Variants in LARP7 observed in about 807,000 individuals in gnomAD.
The protein encoded by LARP7 is la-related protein 7.
In LARP7, 52 loss-of-function variants were observed where a neutral mutation model predicts 69.3. The ratio of observed to expected loss-of-function variants is 0.75; its 90% CI spans 0.60 to 0.95. The LOEUF (loss-of-function observed/expected upper bound fraction) is 0.95. LARP7 is among the 40% of genes least tolerant of loss of function. The pLI, the probability that LARP7 is intolerant of heterozygous loss-of-function variation, is 0.00. For missense variants in LARP7, 733 were observed against 673.0 expected, an observed-to-expected ratio of 1.09 and a Z score of -0.99; for synonymous variants, 254 against 215.9, an observed-to-expected ratio of 1.18 and a Z score of -1.55.
In LARP7 at chr4:112,647,820, A is replaced by G; in HGVS notation, c.1128A>G (p.Leu376=). The G allele has an allele frequency of 6.3e-7, 1 of 1,589,950 alleles. No individual in the cohort carries two copies. The highest frequency in any genetic ancestry group is 1.7e-5 in the Admixed American group (1 of 59,642). ...AAATGGGAGAAGAAGTTATACCATT[A>G]AGAGTGCTATCAAAGTAAGTCTGTG... The part of the protein sequence containing the change: ...RHKMGEEVIP[L]RVLSKSEWMD... Residue 376 remains leucine (L), a synonymous_variant, in exon 8 of 13, where the codon TTA becomes TTG. Transcript: ENST00000344442.
chr4:112,646,677 C>A lies in LARP7; in HGVS notation c.387+6C>A. 1 of 1,588,774 alleles carries A rather than the reference C, an allele frequency of 6.3e-7. No homozygotes were observed. The highest frequency in any genetic ancestry group is 1.2e-5 in the South Asian group (1 of 85,856). ...ATGAACGCACAGTGTATGTGGTAAGCTTAAGAACCCGGGTCCCCAGTCAGA... is the reference window on the plus strand; with the variant it reads ...ATGAACGCACAGTGTATGTGGTAAGATTAAGAACCCGGGTCCCCAGTCAGA... On this transcript the variant is annotated splice_donor_region_variant and intron_variant, in intron 4 of 12. Transcript: ENST00000344442.
At chr4:112,640,131 G>A (rs1331835054) in intron 1 of LARP7, among the ~76,000 whole-genome samples, 4 of 152,034 alleles carry the variant, frequency 2.6e-5, no homozygotes, top group African/African-American at 7.2e-5. Flanking sequence ...TAGAGACTGG[G>A]TTTCACTTTG....
rs759465031 is a variant in LARP7, at chr4:112,650,489, G to A, written c.1323G>A (p.Gln441=). ...KTANREECRT[Q]EKVNATGPQF... The stretch of plus-strand genomic sequence containing the variant: ...CCAACAGGGAAGAGTGTCGCACCCA[G>A]GAGAAAGTTAATGCAACAGGACCAC... The change falls in exon 10 of 13, where the codon CAG becomes CAA. Residue 441 remains glutamine (Q), a synonymous_variant. Coordinates refer to ENST00000344442, the MANE Select transcript of LARP7 (RefSeq NM_016648.4). 1.9e-6 allele frequency: 3 copies of A among 1,613,886 alleles called. No homozygotes were observed. The highest frequency in any genetic ancestry group is 2.5e-6 in the Non-Finnish European group (3 of 1,179,826).
chr4:112,639,742 CAGTAGTTGTAGA>C (rs2047884642), intron 1 of LARP7, among the ~76,000 whole-genome samples: 1 of 151,946 alleles, frequency 6.6e-6, no homozygotes, highest in African/African-American at 2.4e-5. Context: ...ACAGTTGTAG[CAGTAGTTGTAGA>C]AAACACTGGA....
chr4:112,650,616 T>C, intron 10 of LARP7, 34 bp downstream of exon 10: 1 of 1,577,882 alleles, frequency 6.3e-7, no homozygotes, highest in Middle Eastern at 1.7e-4. Flanking sequence ...TATTTGTTCC[T>C]TTCTTCTCTT....
chr4:112,649,336 A>G (rs1434209907), intron 8 of LARP7, among the ~76,000 whole-genome samples, 199 bp from the exon 9 acceptor site: 2 of 152,188 alleles, frequency 1.3e-5, no homozygotes, highest in Admixed American at 1.3e-4. Flanking sequence ...TTTAATCTGA[A>G]TATTGGGGGA....
intron 8 of LARP7, chr4:112,648,365 T>G (rs775941393): frequency 3.7e-6 from 2 of 534,374 alleles, no homozygotes; most frequent in South Asian, 2.8e-5. Flanking sequence ...TGGAGACACC[T>G]CCACTGAAAC....
At chr4:112,646,259 C>A in intron 2 of LARP7, 92 bp from the exon 3 acceptor site, 1 of 632,318 alleles carries the variant, frequency 1.6e-6, no homozygotes, top group Non-Finnish European at 2.7e-6. Flanking sequence ...CATGAGCCAC[C>A]GAGCCTGAGG....
intron 12 of LARP7, chr4:112,654,440 T>A (rs1278559748): frequency 4.0e-6 from 1 of 252,154 alleles, no homozygotes; most frequent in African/African-American, 2.2e-5. Context: ...GGCTGCTATG[T>A]CTTGTAGTTT....
intron 12 of LARP7, 26 bp downstream of exon 12, chr4:112,654,185 A>G: frequency 6.6e-7 from 1 of 1,522,034 alleles, no homozygotes. Flanking sequence ...TTGTTTTTTT[A>G]GACTAAACTT....
rs756166445 is a variant in LARP7, at chr4:112,647,370, CAAAGAA to C, written c.828_833del (p.Lys277_Lys278del). The C allele has an allele frequency of 3.7e-6, 6 of 1,613,622 alleles. No homozygotes were observed. The African/African-American group carries it at 4.0e-5, about 11-fold the overall frequency. On this transcript the variant is annotated inframe_deletion, in exon 7 of 13. Transcript: ENST00000344442. ...TCCACTGAACCCCAAAAGCAGTGCTCAAAGAAAAAGAAAAAACGGGACAGAGTTGAA... is the reference window on the plus strand; with the variant it reads ...TCCACTGAACCCCAAAAGCAGTGCTCAAAGAAAAAACGGGACAGAGTTGAA...
At chr4:112,657,210 T>C (rs769039935) in intron 12 of LARP7, 37 bp from the exon 13 acceptor site, 7 of 1,015,726 alleles carry the variant, frequency 6.9e-6, no homozygotes, top group Admixed American at 2.3e-5. Context: ...GTTTTGAGTA[T>C]CCAATACATT....
rs774183599 is a variant in LARP7, at chr4:112,650,486, C to G, written c.1320C>G (p.Thr440=). Residue 440 remains threonine (T), a synonymous_variant, in exon 10 of 13, where the codon ACC becomes ACG. Coordinates refer to ENST00000344442, the MANE Select transcript of LARP7 (RefSeq NM_016648.4). The stretch of plus-strand genomic sequence containing the variant: ...CAGCCAACAGGGAAGAGTGTCGCAC[C>G]CAGGAGAAAGTTAATGCAACAGGAC... ...EKTANREECR[T]QEKVNATGPQ... The G allele has an allele frequency of 5.6e-6, 9 of 1,613,184 alleles. No homozygotes were observed. In the Admixed American group the frequency reaches 8.3e-5, roughly 15 times the overall value.
chr4:112,647,365 G>C lies in LARP7; in HGVS notation c.813G>C (p.Gln271His). Residue 271 changes from glutamine to histidine, a missense_variant, in exon 7 of 13, where the codon CAG (glutamine) becomes CAC (histidine). By Grantham distance (24) the Gln-to-His change is conservative (BLOSUM62 0). Transcript: ENST00000344442. Reference protein sequence around the residue: ...SDIESTEPQKQCSKKKKKRDR... With the variant: ...SDIESTEPQKHCSKKKKKRDR... ...TTGAGTCCACTGAACCCCAAAAGCA[G>C]TGCTCAAAGAAAAAGAAAAAACGGG... 6.2e-7 allele frequency: 1 copy of C among 1,614,006 alleles called. No homozygotes were observed. The highest frequency in any genetic ancestry group is 1.1e-5 in the South Asian group (1 of 91,068).
At chr4:112,637,632 C>G (rs1352577670) in intron 1 of LARP7, 1 of 152,268 alleles carries the variant, frequency 6.6e-6, no homozygotes, top group Non-Finnish European at 1.5e-5. Flanking sequence ...AAATTATCAT[C>G]TTCTTTTGCA....
intron 9 of LARP7, 26 bp downstream of exon 9, chr4:112,649,712 A>G (rs776116719): frequency 2.6e-6 from 4 of 1,518,812 alleles, no homozygotes; most frequent in South Asian, 2.4e-5. Context: ...AGTTTTGACA[A>G]CATTATAATG....
chr4:112,653,473 C>A (rs1353369431), intron 11 of LARP7, among the ~76,000 whole-genome samples: 1 of 151,922 alleles, frequency 6.6e-6, no homozygotes, highest in Non-Finnish European at 1.5e-5. Context: ...CCACGCCCGG[C>A]TAATTTTTAT....
rs1263744187 is a variant in LARP7, at chr4:112,653,192, C to T, written c.1532C>T (p.Thr511Ile). The change falls in exon 11 of 13, where the codon ACA becomes ATA. Residue 511 changes from threonine (T) to isoleucine (I), a missense_variant. Thr to Ile is a moderately conservative substitution (Grantham distance 89). Coordinates refer to ENST00000344442, the MANE Select transcript of LARP7 (RefSeq NM_016648.4). ...GCTCAAGCAGTAATAAATGCCTATACAGAAATTAACAAGAAACACTGCTGG... is the reference window on the plus strand; with the variant it reads ...GCTCAAGCAGTAATAAATGCCTATATAGAAATTAACAAGAAACACTGCTGG... The part of the protein sequence containing the change: ...EDAQAVINAY[T>I]EINKKHCWKL... 2 of 1,599,714 alleles carry T rather than the reference C, an allele frequency of 1.3e-6. No homozygotes were observed. The highest frequency in any genetic ancestry group is 1.7e-6 in the Non-Finnish European group (2 of 1,175,278).
At position 112,646,387 on chromosome 4, in the gene LARP7, T is replaced by C; in HGVS notation, c.239T>C (p.Met80Thr). ...TCACTACTTGTGTCTTTTAACAAAA[T>C]GAAAAAATTGACTACTGATGGGAAG... ...DISLLVSFNK[M>T]KKLTTDGKLI... The change falls in exon 3 of 13, where the codon ATG becomes ACG. Residue 80 changes from methionine to threonine, a missense_variant. By Grantham distance (81) the Met-to-Thr change is moderately conservative (BLOSUM62 -1). Coordinates refer to ENST00000344442, the MANE Select transcript of LARP7 (RefSeq NM_016648.4). The C allele has an allele frequency of 1.3e-6, 2 of 1,597,454 alleles. No individual in the cohort carries two copies. Among genetic ancestry groups the C allele is most frequent in the Non-Finnish European group, 1.7e-6 (2 of 1,166,478 alleles).
Sources: gnomAD v4.1 joint callset for allele counts (sites outside exome capture counted in the v4.1 genomes callset) on GRCh38, gnomAD v4.1.1 for gene constraint, MANE v1.5 for transcripts, NCBI Gene and HGNC (gene_info 2026-07-23, HGNC 2026-07-21) for gene names.